The following SUGCT variants were observed in gnomAD, a reference collection of about 807,000 sequenced individuals.
SUGCT encodes the protein succinyl-CoA:glutarate-CoA transferase, also known as succinyl-CoA:glutarate CoA-transferase.
SUGCT carries 41 observed loss-of-function variants against 55.0 expected under a neutral mutation model. That is an observed-to-expected ratio of 0.74 (90% CI 0.58 to 0.97). SUGCT has a LOEUF of 0.97. Ranked by LOEUF, SUGCT falls within the 50% of genes least tolerant of loss-of-function variation. The pLI is 0.00. For synonymous variants in SUGCT, 187 were observed against 200.4 expected (o/e 0.93, Z 0.56); for missense variants, 568 against 547.8 (o/e 1.04, Z -0.37).
intron 12 of SUGCT, among the ~76,000 whole-genome samples, chr7:40,726,831 A>G (rs540895939): frequency 2.0e-4 from 30 of 152,296 alleles, no homozygotes; most frequent in African/African-American, 6.7e-4. Context: ...TGTGATCATC[A>G]GGGAAGGGGT....
intron 13 of SUGCT, among the ~76,000 whole-genome samples, chr7:40,845,203 A>T (rs1247642573): frequency 6.6e-6 from 1 of 152,192 alleles, no homozygotes; most frequent in African/African-American, 2.4e-5. Flanking sequence ...TTAGAAAGTG[A>T]GGTACAACAC....
the SUGCT span, among the ~76,000 whole-genome samples, chr7:40,948,855 T>G: frequency 6.6e-6 from 1 of 152,202 alleles, no homozygotes; most frequent in African/African-American, 2.4e-5. Context: ...AGTCTGTCAT[T>G]GATGGACATT....
chr7:40,599,700 T>G (rs922332441), intron 12 of SUGCT, among the ~76,000 whole-genome samples: 1 of 152,188 alleles, frequency 6.6e-6, no homozygotes, highest in Non-Finnish European at 1.5e-5. Flanking sequence ...TAATACATAA[T>G]AAACTGTAGT....
At chr7:40,805,397 G>A (rs1791038753) in intron 13 of SUGCT, among the ~76,000 whole-genome samples, 1 of 152,148 alleles carries the variant, frequency 6.6e-6, no homozygotes, top group African/African-American at 2.4e-5. Context: ...ACTCATCTGG[G>A]TGTGTCCAAG....
At chr7:40,923,496 C>T in the SUGCT span, among the ~76,000 whole-genome samples, 26 of 152,226 alleles carry the variant, frequency 1.7e-4, no homozygotes, top group East Asian at 4.8e-3. Context: ...CAATAATCAA[C>T]GTTGAAATTG....
chr7:41,019,466 A>G, the SUGCT span, among the ~76,000 whole-genome samples: 1 of 152,220 alleles, frequency 6.6e-6, no homozygotes, highest in Non-Finnish European at 1.5e-5. Flanking sequence ...TGGTGATCAC[A>G]TTCATAAACA....
At chr7:40,339,195 G>C (rs1796903650) in intron 9 of SUGCT, among the ~76,000 whole-genome samples, 1 of 152,208 alleles carries the variant, frequency 6.6e-6, no homozygotes, top group South Asian at 2.1e-4. Context: ...TCAGGGATCA[G>C]GGGCACACTT....
intron 12 of SUGCT, among the ~76,000 whole-genome samples, chr7:40,741,386 A>G (rs1383773892): frequency 6.6e-6 from 1 of 152,224 alleles, no homozygotes; most frequent in Non-Finnish European, 1.5e-5. Context: ...AAATATACTC[A>G]ACCTGATTAG....
chr7:40,974,658 T>A, the SUGCT span, among the ~76,000 whole-genome samples: 1 of 152,204 alleles, frequency 6.6e-6, no homozygotes, highest in Non-Finnish European at 1.5e-5. Context: ...AACAGCCACC[T>A]AGGACTGGGC....
chr7:40,540,913 A>C (rs2151618091), intron 12 of SUGCT, among the ~76,000 whole-genome samples: 1 of 152,350 alleles, frequency 6.6e-6, no homozygotes, highest in East Asian at 1.9e-4. Context: ...AGAAGAGAGC[A>C]GTAAGAGCAA....
rs1046536148 is a variant in SUGCT at position 40,807,921 on chromosome 7, C to T, written c.1154-52395C>T. ...GGCCAGAAGACTAAACCAGTCTAGC[C>T]TTTTTATGTTCTTTTGCCTGCTTTT... On this transcript the variant is annotated intron_variant, in intron 13 of 13. Transcript: ENST00000335693. Among the ~76,000 whole-genome samples, 10 of 152,126 alleles carry T rather than the reference C, an allele frequency of 6.6e-5. 1 individual carries two copies. The highest frequency in any genetic ancestry group is 1.5e-4 in the Non-Finnish European group (10 of 68,010).
At chr7:40,364,646 A>T (rs1421181936) in intron 9 of SUGCT, among the ~76,000 whole-genome samples, 1 of 151,710 alleles carries the variant, frequency 6.6e-6, no homozygotes, top group African/African-American at 2.4e-5. Context: ...ATTGGCTCCC[A>T]CTCTCTTCTG....
intron 7 of SUGCT, among the ~76,000 whole-genome samples, chr7:40,241,161 C>G (rs766356239): frequency 6.6e-6 from 1 of 152,140 alleles, no homozygotes; most frequent in Admixed American, 6.6e-5. Flanking sequence ...ATATTTCTCT[C>G]TTGAAATCGA....
intron 12 of SUGCT, among the ~76,000 whole-genome samples, chr7:40,537,008 A>T (rs1010080125): frequency 6.6e-6 from 1 of 152,234 alleles, no homozygotes; most frequent in Non-Finnish European, 1.5e-5. Flanking sequence ...CAAAGATCCA[A>T]AGTAAATTAA....
intron 7 of SUGCT, among the ~76,000 whole-genome samples, chr7:40,267,629 G>A (rs1791686426): frequency 6.6e-6 from 1 of 152,116 alleles, no homozygotes; most frequent in African/African-American, 2.4e-5. Context: ...TATAGCAGCA[G>A]GGCTCTGTGG....
chr7:40,280,783 T>C (rs1792899717), intron 8 of SUGCT, among the ~76,000 whole-genome samples: 1 of 152,210 alleles, frequency 6.6e-6, no homozygotes, highest in South Asian at 2.1e-4. Flanking sequence ...ATATTACATA[T>C]CATAAAAATG....
At chr7:40,903,696 G>A in the SUGCT span, among the ~76,000 whole-genome samples, 8 of 152,168 alleles carry the variant, frequency 5.3e-5, no homozygotes, top group Admixed American at 2.6e-4. Flanking sequence ...CAAGGCAAGG[G>A]GTGGCACCCT....
intron 9 of SUGCT, among the ~76,000 whole-genome samples, chr7:40,371,356 C>T (rs566215465): frequency 2.6e-5 from 4 of 152,134 alleles, no homozygotes; most frequent in South Asian, 4.1e-4. Flanking sequence ...TTTATTTCTC[C>T]TATAGCTGGT....
intron 9 of SUGCT, among the ~76,000 whole-genome samples, chr7:40,378,823 G>A (rs576749062): frequency 2.6e-4 from 39 of 152,204 alleles, no homozygotes; most frequent in Admixed American, 5.2e-4. Flanking sequence ...TTAATTCTCC[G>A]AACATATTTT....
Sources: allele counts gnomAD v4.1 joint callset (sites outside exome capture counted in the v4.1 genomes callset), GRCh38; gene constraint gnomAD v4.1.1; transcripts MANE v1.5; gene names NCBI Gene and HGNC (gene_info 2026-07-23, HGNC 2026-07-21).